The following AMZ2 variants were observed in gnomAD, a reference collection of about 807,000 sequenced individuals.
The protein encoded by AMZ2 is archaemetzincin-2.
A neutral mutation model predicts 36.7 loss-of-function variants in AMZ2; 26 were observed. That is an observed-to-expected ratio of 0.71 (90% CI 0.52 to 0.98). The LOEUF is 0.98. AMZ2 is among the 50% of genes least tolerant of loss of function. AMZ2 has a pLI of 0.00. For missense variants in AMZ2, 394 were observed against 430.5 expected, an observed-to-expected ratio of 0.92 and a Z score of 0.75; for synonymous variants, 144 against 149.1, an observed-to-expected ratio of 0.97 and a Z score of 0.25.
intron 1 of AMZ2, among the ~76,000 whole-genome samples, chr17:68,219,990 GA>G (rs1356589790): frequency 6.6e-6 from 1 of 152,172 alleles, no homozygotes; most frequent in Non-Finnish European, 1.5e-5. Flanking sequence ...ATTGTGATGA[GA>G]ATCTGACTGT....
rs1555726169 is a variant in AMZ2, at chr17:68,211,874, G to GTGTATA, written c.-67+5637_-67+5638insGTATAT. 1.6e-4 allele frequency among the ~76,000 whole-genome samples: 22 copies of GTGTATA among 134,852 alleles called. 2 individuals carry two copies. In the South Asian group the frequency reaches 3.8e-3, roughly 23 times the overall value. The allele number at this position is 134,852 out of a possible 152,430, so 88.5% of individuals were successfully genotyped here. ...TATATGTATATGTATATATGTGTGTGTATGTATATATATATGCCTTGAGTC... is the reference window on the plus strand; with the variant it reads ...TATATGTATATGTATATATGTGTGTGTGTATATATGTATATATATATGCCTTGAGTC... On this transcript the variant is annotated intron_variant, in intron 1 of 7. Coordinates refer to the AMZ2 transcript ENST00000674770.
chr17:68,209,628 A>ATTTTTTTTTTTTTTT (rs1322446681), intron 1 of AMZ2, among the ~76,000 whole-genome samples: 18 of 98,498 alleles, frequency 1.8e-4, no homozygotes, highest in African/African-American at 9.0e-4. Context: ...ATATATATAT[A>ATTTTTTTTTTTTTTT]TATATTTTTT....
At chr17:68,219,340 ACACCTCT>A (rs1202876818) in intron 1 of AMZ2, among the ~76,000 whole-genome samples, 1 of 152,160 alleles carries the variant, frequency 6.6e-6, no homozygotes, top group Non-Finnish European at 1.5e-5. Flanking sequence ...TCTTTGCCCC[ACACCTCT>A]CACCTCTTCT....
At chr17:68,216,990 G>A (rs1224729360) in intron 1 of AMZ2, among the ~76,000 whole-genome samples, 2 of 146,182 alleles carry the variant, frequency 1.4e-5, no homozygotes, top group African/African-American at 2.6e-5. Flanking sequence ...CCGAGTTTGC[G>A]CCCCTGCACT....
intron 1 of AMZ2, among the ~76,000 whole-genome samples, chr17:68,241,299 A>G (rs1405708688): frequency 1.3e-5 from 2 of 152,244 alleles, no homozygotes; most frequent in African/African-American, 4.8e-5. Context: ...AAAAATAAAG[A>G]GGTTCTACAA....
intron 1 of AMZ2, among the ~76,000 whole-genome samples, chr17:68,212,532 T>A (rs1373745050): frequency 6.6e-6 from 1 of 152,204 alleles, no homozygotes; most frequent in Non-Finnish European, 1.5e-5. Flanking sequence ...AGAGACCTTG[T>A]CACAAAAATA....
At position 68,235,477 on chromosome 17, in the gene AMZ2, T is replaced by C. The variant is rs2073763850; in HGVS notation, c.-66-13163T>C. ...TGGTGGTGCCTCAGCTGAACCCAAGTCCACAGACCGTGGAGTTCGCGCCCT... is the reference window on the plus strand; with the variant it reads ...TGGTGGTGCCTCAGCTGAACCCAAGCCCACAGACCGTGGAGTTCGCGCCCT... On this transcript the variant is annotated intron_variant, in intron 1 of 7. Transcript: ENST00000674770. This position sits in a 1 kb window ranked among gnomAD's most constrained non-coding sequence, Gnocchi z 4.2. Among the ~76,000 whole-genome samples the C allele has an allele frequency of 6.6e-6, 1 of 152,152 alleles. No homozygotes were observed.
At position 68,257,009 on chromosome 17, in the gene AMZ2, G is replaced by C. The variant is rs782486611; in HGVS notation, c.*40G>C. ...GAGTGATTGAAATAAATAACTACTT[G>C]CATGTTATGCTTTCATTTGGGTGGA... On this transcript the variant is annotated 3_prime_UTR_variant, in exon 7 of 7. Transcript: ENST00000359904. 1.9e-6 allele frequency: 3 copies of C among 1,588,938 alleles called. No individual in the cohort carries two copies. In the South Asian group the frequency reaches 3.4e-5, roughly 18 times the overall value.
At chr17:68,231,954 G>T (rs2073674327) in intron 1 of AMZ2, among the ~76,000 whole-genome samples, 1 of 151,728 alleles carries the variant, frequency 6.6e-6, no homozygotes, top group Non-Finnish European at 1.5e-5. Context: ...CTGAAATTCT[G>T]ATGTGACTGA....
chr17:68,221,169 ACCT>A (rs1361091443), intron 1 of AMZ2, among the ~76,000 whole-genome samples: 2 of 130,160 alleles, frequency 1.5e-5, no homozygotes, highest in Non-Finnish European at 1.6e-5. Context: ...TGCAGCCTTG[ACCT>A]CCTGGGTCAA....
chr17:68,236,811 C>T (rs1424741989), intron 1 of AMZ2, among the ~76,000 whole-genome samples: 8 of 152,078 alleles, frequency 5.3e-5, no homozygotes, highest in African/African-American at 1.7e-4. Flanking sequence ...AACTCCTGAC[C>T]TCAAATGATC....
rs1233857028 is a variant in AMZ2, at chr17:68,235,151, G to T, written c.-66-13489G>T. Among the ~76,000 whole-genome samples, 1 of 152,180 alleles carries T rather than the reference G, an allele frequency of 6.6e-6. No individual in the cohort carries two copies. Among genetic ancestry groups the T allele is most frequent in the Admixed American group, 6.5e-5 (1 of 15,280 alleles). ...TTGTCAGCGGGCATTTCCGTAATTAGAACTTGTGACCAACACATCCAACCA... is the reference window on the plus strand; with the variant it reads ...TTGTCAGCGGGCATTTCCGTAATTATAACTTGTGACCAACACATCCAACCA... On this transcript the variant is annotated intron_variant, in intron 1 of 7. Transcript: ENST00000674770. This position sits in a 1 kb window ranked among gnomAD's most constrained non-coding sequence, Gnocchi z 4.2.
chr17:68,238,188 TTTTTC>T (rs2073829208), intron 1 of AMZ2, among the ~76,000 whole-genome samples: 1 of 152,142 alleles, frequency 6.6e-6, no homozygotes, highest in Admixed American at 6.5e-5. Context: ...TGACCCAGCC[TTTTTC>T]TTTTATTTTC....
chr17:68,224,735 C>A (rs184432842), intron 1 of AMZ2, among the ~76,000 whole-genome samples: 1 of 152,040 alleles, frequency 6.6e-6, no homozygotes, highest in Non-Finnish European at 1.5e-5. Flanking sequence ...GAGTTGGGGT[C>A]TTCCTATGTT....
upstream of AMZ2, chr17:68,246,732 TAAGG>T (rs1568367996): frequency 1.3e-5 from 2 of 152,132 alleles, no homozygotes; most frequent in Admixed American, 6.6e-5. Context: ...AGTGAACAAA[TAAGG>T]AAGGGCTAAA....
rs782044529 is a variant in AMZ2, at chr17:68,254,399, TG to T, written c.587-4del. The T allele has an allele frequency of 6.0e-5, 97 of 1,603,632 alleles. 1 individual carries two copies. In the South Asian group the frequency reaches 1.1e-3, roughly 17 times the overall value. On this transcript the variant is annotated splice_region_variant and splice_polypyrimidine_tract_variant and intron_variant, in intron 4 of 6. Coordinates refer to ENST00000359904, the MANE Select transcript of AMZ2 (RefSeq NM_016627.5). ...ATTCTGTCACTGTTTGTCCTTTTTT[TG>T]TAGGTGTGGGGATATTCAGCTTTGC...
At chr17:68,237,763 T>A (rs2073821169) in intron 1 of AMZ2, among the ~76,000 whole-genome samples, 1 of 152,206 alleles carries the variant, frequency 6.6e-6, no homozygotes, top group Non-Finnish European at 1.5e-5. Flanking sequence ...CTCAGTCCAA[T>A]CAGACACCTG....
At chr17:68,229,965 C>T (rs7220991) in intron 1 of AMZ2, among the ~76,000 whole-genome samples, 33,138 of 152,150 alleles carry the variant, frequency 0.22, 4,068 homozygotes, top group East Asian at 0.39. Flanking sequence ...TGGCTCAGGG[C>T]TCCCAGGACT....
In AMZ2 at chr17:68,248,297, G is replaced by A. The variant is rs1476909927; in HGVS notation, c.-409G>A. 1 of 985,832 alleles carries A rather than the reference G, an allele frequency of 1.0e-6. No individual in the cohort carries two copies. The highest frequency in any genetic ancestry group is 1.7e-5 in the African/African-American group (1 of 57,262). 61.1% of individuals were successfully genotyped at this position (985,832 alleles called of 1,614,324 possible). On this transcript the variant is annotated 5_prime_UTR_variant, in exon 1 of 7. Coordinates refer to ENST00000359904, the MANE Select transcript of AMZ2 (RefSeq NM_016627.5). ...GGGAGCCAGGGAGGCCTTTCCCGAGGCTCCTGGGGAAGAAGAGGCGAAGCG... is the reference window on the plus strand; with the variant it reads ...GGGAGCCAGGGAGGCCTTTCCCGAGACTCCTGGGGAAGAAGAGGCGAAGCG...
Sources: gnomAD v4.1 joint callset for allele counts (sites outside exome capture counted in the v4.1 genomes callset) on GRCh38, gnomAD v4.1.1 for gene constraint, Gnocchi (gnomAD v3.1) non-coding constraint, MANE v1.5 for transcripts, NCBI Gene and HGNC (gene_info 2026-07-23, HGNC 2026-07-21) for gene names.